The following FGF13 variants were observed in gnomAD, a reference collection of about 807,000 sequenced individuals.
The protein encoded by FGF13 is fibroblast growth factor homologous factor 2.
In FGF13, 2 loss-of-function variants were observed where a neutral mutation model predicts 19.5. The observed-to-expected ratio is 0.10, with a 90% CI of 0.04 to 0.32. The LOEUF (loss-of-function observed/expected upper bound fraction) is 0.32, where lower values mean the gene tolerates loss of function less well. Among genes scored for constraint, FGF13 ranks in the 10% least tolerant of loss-of-function variants. The probability of loss-of-function intolerance (pLI) is 1.00; values close to 1 mark genes in which losing one functional copy is unlikely to be tolerated. For synonymous variants in FGF13, 72 were observed against 76.9 expected, an observed-to-expected ratio of 0.94 and a Z score of 0.33; for missense variants, 113 against 192.7, an observed-to-expected ratio of 0.59 and a Z score of 2.45.
At chrX:138,996,861 C>T (rs930396566) in intron 1 of FGF13, among the ~76,000 whole-genome samples, 2 of 112,106 alleles carry the variant, frequency 1.8e-5, no homozygotes, top group Non-Finnish European at 3.8e-5. Context: ...AAGTGGGTCC[C>T]TGACCCACAT....
At chrX:138,902,945 T>C (rs956229803) in intron 1 of FGF13, among the ~76,000 whole-genome samples, 2 of 110,707 alleles carry the variant, frequency 1.8e-5, no homozygotes, top group African/African-American at 3.3e-5. Context: ...TTTTAGAGCA[T>C]AGTGAAAAGA....
chrX:138,904,108 G>C (rs1302347850), intron 1 of FGF13, among the ~76,000 whole-genome samples: 1 of 111,989 alleles, frequency 8.9e-6, no homozygotes, highest in Non-Finnish European at 1.9e-5. Flanking sequence ...TTAGAAAAGA[G>C]ATATATGAAC....
intron 2 of FGF13, among the ~76,000 whole-genome samples, chrX:138,707,770 C>T (rs1269183703): frequency 9.0e-6 from 1 of 111,707 alleles, no homozygotes; most frequent in Non-Finnish European, 1.9e-5. Flanking sequence ...GACTTCCTCT[C>T]GAGGTTATAG....
intron 1 of FGF13, among the ~76,000 whole-genome samples, chrX:138,943,417 C>T (rs1350433528): frequency 8.9e-6 from 1 of 112,497 alleles, no homozygotes; most frequent in African/African-American, 3.2e-5. Flanking sequence ...TTCAACATTT[C>T]ACTGAGAGAA....
intron 3 of FGF13, among the ~76,000 whole-genome samples, chrX:138,810,533 C>A (rs144436923): frequency 9.0e-6 from 1 of 111,465 alleles, no homozygotes; most frequent in Non-Finnish European, 1.9e-5. Flanking sequence ...CATAGGGATG[C>A]GCAAAGACTT....
chrX:138,884,629 G>C (rs1043440198), intron 1 of FGF13, among the ~76,000 whole-genome samples: 2 of 111,944 alleles, frequency 1.8e-5, no homozygotes, highest in Non-Finnish European at 3.8e-5. Flanking sequence ...TTGGCTCCTG[G>C]TTGGCTATTA....
intron 1 of FGF13, among the ~76,000 whole-genome samples, chrX:138,972,203 T>C (rs189355311): frequency 5.8e-4 from 63 of 109,077 alleles, no homozygotes; most frequent in Non-Finnish European, 1.0e-3. Flanking sequence ...CTTATTTCAA[T>C]TCCTTTGGAT....
intron 1 of FGF13, among the ~76,000 whole-genome samples, chrX:139,000,472 A>G (rs2092067588): frequency 8.9e-6 from 1 of 112,255 alleles, no homozygotes; most frequent in Admixed American, 9.4e-5. Flanking sequence ...TAATCTGATA[A>G]GCAACTTCAG....
intron 3 of FGF13, among the ~76,000 whole-genome samples, chrX:138,823,646 A>G: frequency 9.0e-6 from 1 of 111,633 alleles, no homozygotes; most frequent in African/African-American, 3.3e-5. Flanking sequence ...ATTTCAGTTC[A>G]ATTCCCCTAT....
chrX:138,917,254 G>T (rs2091622354), intron 1 of FGF13, among the ~76,000 whole-genome samples: 1 of 111,715 alleles, frequency 9.0e-6, no homozygotes, highest in Non-Finnish European at 1.9e-5. Flanking sequence ...GATACTAGGA[G>T]CTGAGTCCTT....
chrX:138,651,309 A>G (rs916984945), intron 3 of FGF13, among the ~76,000 whole-genome samples: 1 of 112,400 alleles, frequency 8.9e-6, no homozygotes, highest in African/African-American at 3.2e-5. Context: ...CAACTCCAAC[A>G]AAAAAGCAAA....
intron 1 of FGF13, among the ~76,000 whole-genome samples, chrX:139,183,935 G>A (rs990562620): frequency 8.9e-6 from 1 of 111,783 alleles, no homozygotes; most frequent in Non-Finnish European, 1.9e-5. Context: ...GTCCTCTGGA[G>A]AGGCTGATCT....
chrX:138,791,123 A>G lies in FGF13; in HGVS notation c.217+66389T>C, dbSNP rs147618431. 6.7e-3 allele frequency among the ~76,000 whole-genome samples: 757 copies of G among 112,977 alleles called. 8 individuals are homozygous for G. The highest frequency in any genetic ancestry group is 0.023 in the African/African-American group (730 of 31,126). On this transcript the variant is annotated intron_variant, in intron 3 of 6. Coordinates refer to the FGF13 transcript ENST00000436198. ...AAAACTTTAAGAAAACCAATACAGC[A>G]TAACAACTATGTCCATAGCATTTAC...
chrX:139,019,368 T>A (rs188839077), intron 1 of FGF13, among the ~76,000 whole-genome samples: 315 of 110,962 alleles, frequency 2.8e-3, no homozygotes, highest in African/African-American at 1.0e-2. Flanking sequence ...ATTGGGTGGA[T>A]GAAGGTTCCA....
intron 1 of FGF13, among the ~76,000 whole-genome samples, chrX:139,092,787 G>A (rs1170899101): frequency 1.8e-5 from 2 of 111,656 alleles, no homozygotes; most frequent in East Asian, 2.8e-4. Flanking sequence ...GGCACTGCAT[G>A]TTTACTTTTG....
At chrX:138,637,517 A>G (rs2089197994) in intron 3 of FGF13, among the ~76,000 whole-genome samples, 1 of 112,524 alleles carries the variant, frequency 8.9e-6, no homozygotes, top group Non-Finnish European at 1.9e-5. Flanking sequence ...CAGAATGGTG[A>G]GATGGGATCA....
At chrX:139,088,648 CCT>C (rs1434297125) in intron 1 of FGF13, among the ~76,000 whole-genome samples, 1 of 111,298 alleles carries the variant, frequency 9.0e-6, no homozygotes. Flanking sequence ...TGATATGTCC[CCT>C]CTCACAATCT....
intron 1 of FGF13, among the ~76,000 whole-genome samples, chrX:138,883,006 A>C (rs2124183595): frequency 9.0e-6 from 1 of 111,653 alleles, no homozygotes; most frequent in East Asian, 2.8e-4. Context: ...GGCCTATGGA[A>C]TACTGTCAGG....
chrX:138,706,185 C>T (rs1364149463), intron 2 of FGF13, among the ~76,000 whole-genome samples: 1 of 93,075 alleles, frequency 1.1e-5, no homozygotes, highest in Non-Finnish European at 2.1e-5. Context: ...GATAATGCTA[C>T]CGTGAGTTTG....
Sources: allele counts gnomAD v4.1 joint callset (sites outside exome capture counted in the v4.1 genomes callset), GRCh38; gene constraint gnomAD v4.1.1; transcripts MANE v1.5; gene names NCBI Gene and HGNC (gene_info 2026-07-23, HGNC 2026-07-21).